Variants in ARHGAP42 observed in about 807,000 individuals in gnomAD.
ARHGAP42 encodes the protein rho GTPase-activating protein 42.
In ARHGAP42, 63 loss-of-function variants were observed where a neutral mutation model predicts 125.0. The observed-to-expected ratio is 0.50, with a 90% CI of 0.41 to 0.62. The LOEUF is 0.62. Ranked by LOEUF, ARHGAP42 falls within the 20% of genes least tolerant of loss-of-function variation. ARHGAP42 has a pLI of 0.00. For missense variants in ARHGAP42, 766 were observed against 1,024.2 expected (o/e 0.75, Z 3.44); for synonymous variants, 339 against 351.0 (o/e 0.97, Z 0.38).
intron 21 of ARHGAP42, 81 bp from the exon 22 acceptor site, chr11:100,978,906 A>G: frequency 7.1e-7 from 1 of 1,407,024 alleles, no homozygotes; most frequent in South Asian, 1.2e-5. Flanking sequence ...TGTCTTGTTT[A>G]ACTGGCAATC....
At chr11:100,891,980 A>C (rs1866230965) in intron 4 of ARHGAP42, among the ~76,000 whole-genome samples, 1 of 152,188 alleles carries the variant, frequency 6.6e-6, no homozygotes, top group South Asian at 2.1e-4. Context: ...CATAGTAGGC[A>C]AAAGATTGTA....
intron 4 of ARHGAP42, among the ~76,000 whole-genome samples, chr11:100,908,739 C>A (rs1175997477): frequency 6.6e-6 from 1 of 152,212 alleles, no homozygotes; most frequent in Non-Finnish European, 1.5e-5. Flanking sequence ...CTAATGATTT[C>A]TTTCCCTTTG....
chr11:100,896,527 C>T (rs201282296), intron 4 of ARHGAP42, among the ~76,000 whole-genome samples: 1 of 152,278 alleles, frequency 6.6e-6, no homozygotes, highest in East Asian at 1.9e-4. Flanking sequence ...AAATGATTGC[C>T]ATTCTAACTG....
chr11:100,698,533 G>C (rs1158299407), intron 1 of ARHGAP42, among the ~76,000 whole-genome samples: 1 of 152,064 alleles, frequency 6.6e-6, no homozygotes, highest in Non-Finnish European at 1.5e-5. Flanking sequence ...AAATTAGCCG[G>C]GCATGGTGGC....
intron 3 of ARHGAP42, among the ~76,000 whole-genome samples, chr11:100,850,153 A>T (rs1188963560): frequency 1.3e-5 from 2 of 152,206 alleles, no homozygotes; most frequent in African/African-American, 4.8e-5. Context: ...CACAATACTG[A>T]AACCGTGTTT....
intron 1 of ARHGAP42, among the ~76,000 whole-genome samples, chr11:100,749,483 T>C (rs531132420): frequency 4.2e-4 from 63 of 149,800 alleles, no homozygotes; most frequent in Non-Finnish European, 1.5e-5. Flanking sequence ...ATGTCTCGCC[T>C]GGCCTGCCCC....
chr11:100,967,335 A>T (rs1858121202), intron 17 of ARHGAP42, among the ~76,000 whole-genome samples: 1 of 152,234 alleles, frequency 6.6e-6, no homozygotes, highest in African/African-American at 2.4e-5. Flanking sequence ...AATATTTAAA[A>T]GTGTTATTAA....
At chr11:100,699,553 A>G (rs1303992238) in intron 1 of ARHGAP42, among the ~76,000 whole-genome samples, 2 of 74,594 alleles carry the variant, frequency 2.7e-5, no homozygotes, top group African/African-American at 9.9e-5. Flanking sequence ...ATGGAGTTTC[A>G]CTCTTGTCAC....
intron 4 of ARHGAP42, among the ~76,000 whole-genome samples, chr11:100,873,389 A>G (rs2135162640): frequency 6.6e-6 from 1 of 152,238 alleles, no homozygotes; most frequent in Middle Eastern, 3.4e-3. Flanking sequence ...TTTTACTCTA[A>G]TTTAGTTCAT....
chr11:100,776,143 G>A (rs1034198651), intron 2 of ARHGAP42, among the ~76,000 whole-genome samples: 11 of 134,410 alleles, frequency 8.2e-5, no homozygotes, highest in Non-Finnish European at 1.4e-4. Context: ...TGGGCAACAA[G>A]AGCAAAACTC....
At chr11:100,914,578 A>G (rs1867014708) in intron 5 of ARHGAP42, among the ~76,000 whole-genome samples, 1 of 152,088 alleles carries the variant, frequency 6.6e-6, no homozygotes, top group Non-Finnish European at 1.5e-5. Context: ...CTCCTGGTGT[A>G]CTCTGAAGTG....
At chr11:100,704,558 G>A (rs1212851429) in intron 1 of ARHGAP42, among the ~76,000 whole-genome samples, 2 of 152,160 alleles carry the variant, frequency 1.3e-5, no homozygotes, top group African/African-American at 2.4e-5. Context: ...AGAAATCTGT[G>A]AGTATTCATG....
chr11:100,970,708 C>A (rs1858218883), intron 17 of ARHGAP42, among the ~76,000 whole-genome samples: 1 of 152,008 alleles, frequency 6.6e-6, no homozygotes, highest in Non-Finnish European at 1.5e-5. Flanking sequence ...TGGACTCTAC[C>A]CCCTCTGGGT....
intron 17 of ARHGAP42, among the ~76,000 whole-genome samples, chr11:100,971,286 C>T (rs915944978): frequency 6.6e-6 from 1 of 151,886 alleles, no homozygotes; most frequent in African/African-American, 2.4e-5. Flanking sequence ...CATGGGGCTC[C>T]TTATGTTCTA....
At position 100,776,495 on chromosome 11, in the gene ARHGAP42, AT is replaced by A. The variant is rs1197213159; in HGVS notation, c.250+6060del. On this transcript the variant is annotated intron_variant, in intron 2 of 23. Transcript: ENST00000298815. ...TGGTAGTGACAGGCAATACACTACC[AT>A]TTGTCAACTAAGGTAATAGCTCCAA... 3.3e-5 allele frequency among the ~76,000 whole-genome samples: 5 copies of A among 152,214 alleles called. No individual in the cohort carries two copies. The East Asian group carries it at 9.6e-4, about 29-fold the overall frequency.
intron 1 of ARHGAP42, among the ~76,000 whole-genome samples, chr11:100,732,857 T>A (rs1383850406): frequency 3.3e-5 from 5 of 152,252 alleles, no homozygotes; most frequent in Non-Finnish European, 7.3e-5. Flanking sequence ...CTACTCAGCC[T>A]GCCTTAAAAT....
chr11:100,987,635 G>A, intron 23 of ARHGAP42, 43 bp downstream of exon 23: 1 of 1,498,368 alleles, frequency 6.7e-7, no homozygotes, highest in Admixed American at 2.0e-5. Flanking sequence ...TCATCATGGG[G>A]AGGATGAAGG....
intron 3 of ARHGAP42, among the ~76,000 whole-genome samples, chr11:100,832,531 G>A (rs143163165): frequency 3.9e-5 from 6 of 152,246 alleles, no homozygotes; most frequent in African/African-American, 1.2e-4. Context: ...TTCCTAACAC[G>A]ATGTATGAAC....
chr11:100,809,809 G>T (rs948527571), intron 3 of ARHGAP42, among the ~76,000 whole-genome samples: 1 of 151,940 alleles, frequency 6.6e-6, no homozygotes, highest in Non-Finnish European at 1.5e-5. Context: ...ACAAAAATTA[G>T]CTGGGCATGG....
Sources: gnomAD v4.1 joint callset for allele counts (sites outside exome capture counted in the v4.1 genomes callset) on GRCh38, gnomAD v4.1.1 for gene constraint, MANE v1.5 for transcripts, NCBI Gene and HGNC (gene_info 2026-07-23, HGNC 2026-07-21) for gene names.